GLRB: variants seen among roughly 807,000 people sequenced by gnomAD.
GLRB encodes glycine receptor beta.
A neutral mutation model predicts 54.2 loss-of-function variants in GLRB; 33 were observed. The observed-to-expected ratio is 0.61, with a 90% CI of 0.46 to 0.81. The LOEUF (loss-of-function observed/expected upper bound fraction) is 0.81, where lower values mean the gene tolerates loss of function less well. GLRB is among the 40% of genes least tolerant of loss of function. The pLI is 0.00. For missense variants in GLRB, 572 were observed against 584.6 expected, an observed-to-expected ratio of 0.98 and a Z score of 0.22; for synonymous variants, 209 against 208.2, an observed-to-expected ratio of 1.00 and a Z score of -0.03.
At chr4:157,120,768 C>A in intron 3 of GLRB, 106 bp downstream of exon 3, 2 of 599,056 alleles carry the variant, frequency 3.3e-6, no homozygotes, top group Non-Finnish European at 3.1e-6. Flanking sequence ...ATATTCAAAA[C>A]AGTAAGATTT....
At chr4:157,144,546 C>T (rs1736738644) in intron 8 of GLRB, among the ~76,000 whole-genome samples, 1 of 152,144 alleles carries the variant, frequency 6.6e-6, no homozygotes, top group Non-Finnish European at 1.5e-5. Context: ...GCTAAAAAGC[C>T]TTTGCTTAAG....
At chr4:157,125,628 A>T (rs1735989756) in intron 4 of GLRB, among the ~76,000 whole-genome samples, 2 of 151,740 alleles carry the variant, frequency 1.3e-5, no homozygotes, top group Admixed American at 6.6e-5. Context: ...CCCTACAAGG[A>T]TGTACAAAAA....
chr4:157,151,038 C>T (rs1438369660), intron 8 of GLRB, among the ~76,000 whole-genome samples: 1 of 152,044 alleles, frequency 6.6e-6, no homozygotes, highest in African/African-American at 2.4e-5. Flanking sequence ...ACTCTGAAGG[C>T]CTTCTATAAT....
chr4:157,165,454 G>T (rs1265878670), intron 9 of GLRB, among the ~76,000 whole-genome samples: 1 of 151,732 alleles, frequency 6.6e-6, no homozygotes, highest in Non-Finnish European at 1.5e-5. Context: ...AATATAATTT[G>T]GATTGTAGGA....
chr4:157,171,951 A>G lies in GLRB; in HGVS notation c.*1223A>G, dbSNP rs1035588542. The G allele has an allele frequency of 1.3e-5, 2 of 151,850 alleles. No individual in the cohort carries two copies. The highest frequency in any genetic ancestry group is 3.0e-5 in the Non-Finnish European group (2 of 67,756). The allele number at this position is 151,850 out of a possible 1,614,324, so 9.4% of individuals were successfully genotyped here. A position where few individuals can be genotyped will look rare whatever the true frequency, so the allele number is the denominator to read the frequency against. On this transcript the variant is annotated 3_prime_UTR_variant, in exon 10 of 10. Coordinates refer to ENST00000264428, the MANE Select transcript of GLRB (RefSeq NM_000824.5). ...TCCAGTGCACCTTTGTCTTTCTGCC[A>G]TATCTGAAATAAAACTATCAGTAAT...
intron 2 of GLRB, among the ~76,000 whole-genome samples, chr4:157,111,121 A>G (rs1735402993): frequency 6.6e-6 from 1 of 151,942 alleles, no homozygotes; most frequent in Admixed American, 6.6e-5. Flanking sequence ...ACTGGGCCCT[A>G]TCAGTGCTCT....
intron 9 of GLRB, among the ~76,000 whole-genome samples, chr4:157,154,646 T>G (rs1033920508): frequency 2.6e-5 from 4 of 152,044 alleles, no homozygotes; most frequent in Non-Finnish European, 5.9e-5. Context: ...AGGTTGGTCT[T>G]GAACTCCTGA....
At chr4:157,127,012 A>G (rs1424152543) in intron 4 of GLRB, among the ~76,000 whole-genome samples, 1 of 151,762 alleles carries the variant, frequency 6.6e-6, no homozygotes, top group Admixed American at 6.6e-5. Context: ...GTTTATTTTA[A>G]TAATAGATTG....
At position 157,138,696 on chromosome 4, in the gene GLRB, T is replaced by C. The variant is rs557590240; in HGVS notation, c.611-113T>C. 3 of 641,144 alleles carry C rather than the reference T, an allele frequency of 4.7e-6. No individual in the cohort carries two copies. In the East Asian group the frequency reaches 8.4e-5, roughly 18 times the overall value. 39.7% of individuals were successfully genotyped at this position (641,144 alleles called of 1,614,324 possible). A position where few individuals can be genotyped will look rare whatever the true frequency, so the allele number is the denominator to read the frequency against. ...TTACATTTTAAACTACAATTTCATATAAGAAGGTCTTATTTTCTTTCCTTT... is the reference window on the plus strand; with the variant it reads ...TTACATTTTAAACTACAATTTCATACAAGAAGGTCTTATTTTCTTTCCTTT... On this transcript the variant is annotated intron_variant, in intron 6 of 9. Coordinates refer to ENST00000264428, the MANE Select transcript of GLRB (RefSeq NM_000824.5).
At chr4:157,154,852 G>A (rs989001521) in intron 9 of GLRB, among the ~76,000 whole-genome samples, 1 of 152,226 alleles carries the variant, frequency 6.6e-6, no homozygotes, top group African/African-American at 2.4e-5. Context: ...GATAAGTTAT[G>A]CATGCATAAC....
chr4:157,093,123 G>A (rs143312703), intron 2 of GLRB, among the ~76,000 whole-genome samples: 102 of 150,908 alleles, frequency 6.8e-4, no homozygotes, highest in African/African-American at 2.3e-3. Context: ...CAACATATTG[G>A]GTTTACTTAT....
chr4:157,120,560 C>G lies in GLRB; in HGVS notation c.127C>G (p.Gln43Glu), dbSNP rs1296050660. Residue 43 changes from glutamine to glutamate, a missense_variant, in exon 3 of 10, where the codon CAG (glutamine) becomes GAG (glutamate). Coordinates refer to ENST00000264428, the MANE Select transcript of GLRB (RefSeq NM_000824.5). Reference sequence around the variant, plus strand: ...GGATTTTTCTCTCTCTTATAGTCAGCAGTCAGCAGAGGACCTTGCCCGAGT... The same window carrying G: ...GGATTTTTCTCTCTCTTATAGTCAGGAGTCAGCAGAGGACCTTGCCCGAGT... ...KKKQYLCPSQQSAEDLARVPA... is the reference protein window; with the variant it reads ...KKKQYLCPSQESAEDLARVPA... The G allele has an allele frequency of 1.3e-6, 2 of 1,546,160 alleles. No individual in the cohort carries two copies. Among genetic ancestry groups the G allele is most frequent in the South Asian group, 2.2e-5 (2 of 89,636 alleles).
intron 1 of GLRB, among the ~76,000 whole-genome samples, chr4:157,077,449 A>G (rs1734079119): frequency 6.6e-6 from 1 of 151,896 alleles, no homozygotes; most frequent in African/African-American, 2.4e-5. Flanking sequence ...TGAATGTGGA[A>G]CTCTTTGATA....
chr4:157,159,193 C>G lies in GLRB; in HGVS notation c.1197+6183C>G, dbSNP rs190901775. 6.0e-4 allele frequency among the ~76,000 whole-genome samples: 92 copies of G among 152,252 alleles called. 1 individual carries two copies. In the Middle Eastern group the frequency reaches 0.01, roughly 17 times the overall value. On this transcript the variant is annotated intron_variant, in intron 9 of 9. Transcript: ENST00000264428. The stretch of plus-strand genomic sequence containing the variant: ...TGCACGTAGATTTTGTATCCTGAGA[C>G]TTTGCTGAAGTTGCTTATCAGCTTA...
intron 2 of GLRB, among the ~76,000 whole-genome samples, chr4:157,112,758 G>GT (rs1735468908): frequency 6.6e-6 from 1 of 151,844 alleles, no homozygotes; most frequent in Non-Finnish European, 1.5e-5. Context: ...AAGTCACTGG[G>GT]TATGGGCTGC....
chr4:157,114,829 A>C (rs527461824), intron 2 of GLRB, among the ~76,000 whole-genome samples: 1 of 151,936 alleles, frequency 6.6e-6, no homozygotes, highest in Non-Finnish European at 1.5e-5. Flanking sequence ...TTATCACATC[A>C]TATCAAGGGT....
rs532833311 is a variant in GLRB at position 157,129,405 on chromosome 4, T to G, written c.297+7008T>G. ...ATTTGAAATGCCAATAACTAGTAAT[T>G]ATTTGAAAATACTCATAAAACACTA... On this transcript the variant is annotated intron_variant, in intron 4 of 9. Coordinates refer to ENST00000264428, the MANE Select transcript of GLRB (RefSeq NM_000824.5). 7.2e-4 allele frequency among the ~76,000 whole-genome samples: 110 copies of G among 151,936 alleles called. 1 individual carries two copies. Among genetic ancestry groups the G allele is most frequent in the African/African-American group, 2.5e-3 (105 of 41,540 alleles).
intron 9 of GLRB, among the ~76,000 whole-genome samples, chr4:157,153,808 C>T (rs1229506386): frequency 6.6e-6 from 1 of 152,104 alleles, no homozygotes; most frequent in Non-Finnish European, 1.5e-5. Flanking sequence ...CACAGAAGAC[C>T]AATAGGTCCA....
At chr4:157,156,764 C>T (rs2126610850) in intron 9 of GLRB, among the ~76,000 whole-genome samples, 1 of 152,260 alleles carries the variant, frequency 6.6e-6, no homozygotes, top group Middle Eastern at 3.4e-3. Flanking sequence ...TCAGATTTCT[C>T]AGAATTCTCA....
Sources: allele counts gnomAD v4.1 joint callset (sites outside exome capture counted in the v4.1 genomes callset), GRCh38; gene constraint gnomAD v4.1.1; transcripts MANE v1.5; gene names NCBI Gene and HGNC (gene_info 2026-07-23, HGNC 2026-07-21).